RASAL2: variants seen among roughly 807,000 people sequenced by gnomAD.
RASAL2 encodes the protein RAS protein activator like 2.
Under a neutral mutation model 128.9 loss-of-function variants are expected in RASAL2, and 58 were observed. The observed-to-expected ratio is 0.45, with a 90% CI of 0.36 to 0.56. The LOEUF (loss-of-function observed/expected upper bound fraction) is 0.56, where lower values mean the gene tolerates loss of function less well. Among genes scored for constraint, RASAL2 ranks in the 20% least tolerant of loss-of-function variants. The pLI is 0.00. For synonymous variants in RASAL2, 561 were observed against 580.8 expected, an observed-to-expected ratio of 0.97 and a Z score of 0.49; for missense variants, 1,360 against 1,601.6, an observed-to-expected ratio of 0.85 and a Z score of 2.57.
intron 1 of RASAL2, among the ~76,000 whole-genome samples, chr1:178,115,018 T>TA (rs1659473983): frequency 1.3e-5 from 2 of 152,250 alleles, no homozygotes; most frequent in Non-Finnish European, 2.9e-5. Context: ...GTATACATTA[T>TA]AAATTTTTTT....
chr1:178,234,886 A>G (rs1235274104), intron 1 of RASAL2, among the ~76,000 whole-genome samples: 3 of 152,240 alleles, frequency 2.0e-5, no homozygotes, highest in Non-Finnish European at 2.9e-5. Context: ...AATGCTAATG[A>G]GATCATTTCA....
chr1:178,244,702 T>G (rs941787439), intron 1 of RASAL2, among the ~76,000 whole-genome samples: 1 of 152,132 alleles, frequency 6.6e-6, no homozygotes, highest in African/African-American at 2.4e-5. Context: ...CGTTAGATAT[T>G]TGTCCTAATG....
At chr1:178,218,059 C>G (rs955407583) in intron 1 of RASAL2, among the ~76,000 whole-genome samples, 2 of 151,980 alleles carry the variant, frequency 1.3e-5, no homozygotes, top group Non-Finnish European at 2.9e-5. Flanking sequence ...AACTCCTCAC[C>G]CATTCAAGTT....
At chr1:178,244,273 C>T (rs191007490) in intron 1 of RASAL2, among the ~76,000 whole-genome samples, 14 of 152,050 alleles carry the variant, frequency 9.2e-5, no homozygotes, top group South Asian at 4.2e-4. Context: ...GAAGGAGTCT[C>T]GCTCTGTCAC....
chr1:178,434,435 CTCATTTT>C (rs1363443585), intron 5 of RASAL2, among the ~76,000 whole-genome samples: 3 of 152,110 alleles, frequency 2.0e-5, no homozygotes, highest in Non-Finnish European at 4.4e-5. Context: ...CCATGAGTTT[CTCATTTT>C]GAGTGACAAC....
chr1:178,424,473 A>G (rs1486984290), intron 5 of RASAL2, among the ~76,000 whole-genome samples: 1 of 147,644 alleles, frequency 6.8e-6, no homozygotes, highest in African/African-American at 2.5e-5. Flanking sequence ...TTTTATTTTT[A>G]TTTTTTGAGA....
chr1:178,335,667 G>T (rs1282658126), intron 3 of RASAL2, among the ~76,000 whole-genome samples: 1 of 152,118 alleles, frequency 6.6e-6, no homozygotes, highest in Non-Finnish European at 1.5e-5. Context: ...TTCAAGTCAG[G>T]AGCTGCCTCT....
chr1:178,318,932 C>T (rs368778177), intron 3 of RASAL2, among the ~76,000 whole-genome samples: 11 of 151,982 alleles, frequency 7.2e-5, no homozygotes, highest in South Asian at 2.1e-4. Flanking sequence ...CGGCTGGTAC[C>T]GGTTGTTCCT....
At chr1:178,184,433 T>A (rs1438258546) in intron 1 of RASAL2, among the ~76,000 whole-genome samples, 4 of 152,072 alleles carry the variant, frequency 2.6e-5, no homozygotes, top group Admixed American at 1.3e-4. Flanking sequence ...CATTTTACAT[T>A]TAGATCTATG....
chr1:178,214,837 C>T (rs1558119422), intron 1 of RASAL2, among the ~76,000 whole-genome samples: 1 of 152,118 alleles, frequency 6.6e-6, no homozygotes, highest in Non-Finnish European at 1.5e-5. Context: ...GGATTACAGG[C>T]ATGAGCCACC....
chr1:178,423,827 A>G (rs193057002), intron 5 of RASAL2, among the ~76,000 whole-genome samples: 60 of 151,938 alleles, frequency 3.9e-4, no homozygotes, highest in African/African-American at 1.3e-3. Flanking sequence ...CCATTTTTCT[A>G]TTGAGTTGTT....
In RASAL2 at chr1:178,454,768, G is replaced by T. The variant is rs549418552; in HGVS notation, c.2211+120G>T. 4.2e-5 allele frequency: 33 copies of T among 776,980 alleles called. No individual in the cohort carries two copies. In the East Asian group the frequency reaches 8.7e-4, roughly 21 times the overall value. 48.1% of individuals were successfully genotyped at this position (776,980 alleles called of 1,614,324 possible). A position where few individuals can be genotyped will look rare whatever the true frequency, so the allele number is the denominator to read the frequency against. On this transcript the variant is annotated intron_variant, in intron 12 of 17. Transcript: ENST00000367649. ...AAGCAACTGTTTACCCTAGAAATCT[G>T]AGAGTAAATGGTCATCATTTCTGAG...
intron 2 of RASAL2, among the ~76,000 whole-genome samples, chr1:178,284,784 G>A (rs1370344691): frequency 6.6e-6 from 1 of 152,086 alleles, no homozygotes; most frequent in Non-Finnish European, 1.5e-5. Context: ...AATAATGAAA[G>A]GGAAGGAGAA....
intron 5 of RASAL2, among the ~76,000 whole-genome samples, chr1:178,436,007 G>A (rs552930966): frequency 6.6e-6 from 1 of 152,178 alleles, no homozygotes; most frequent in South Asian, 2.1e-4. Flanking sequence ...GCCAAACAGG[G>A]CTACTAAAAC....
intron 9 of RASAL2, among the ~76,000 whole-genome samples, chr1:178,446,166 G>T (rs2102861829): frequency 6.6e-6 from 1 of 152,248 alleles, no homozygotes; most frequent in South Asian, 2.1e-4. Context: ...TGCTGACTAG[G>T]CTACGCACTT....
At position 178,478,620 on chromosome 1, in the gene RASAL2, C is replaced by T. The variant is rs1417514593; in HGVS notation, c.*5381C>T. The T allele has an allele frequency of 6.6e-6, 1 of 152,064 alleles. No individual in the cohort carries two copies. Among genetic ancestry groups the T allele is most frequent in the African/African-American group, 2.4e-5 (1 of 41,410 alleles). The allele number at this position is 152,064 out of a possible 1,614,324, so 9.4% of individuals were successfully genotyped here. ...AGAAATACACCTTAGAAAAACAAAA[C>T]CCAAGATTTTATTTTATTTTTAAAG... On this transcript the variant is annotated 3_prime_UTR_variant, in exon 18 of 18. Transcript: ENST00000367649.
rs186324625 is a variant in RASAL2 at position 178,386,483 on chromosome 1, A to G, written c.458-3617A>G. 1.7e-3 allele frequency among the ~76,000 whole-genome samples: 264 copies of G among 152,296 alleles called. 3 individuals carry two copies. Among genetic ancestry groups the G allele is most frequent in the Admixed American group, 0.015 (237 of 15,298 alleles). On this transcript the variant is annotated intron_variant, in intron 3 of 17. Transcript: ENST00000367649. ...TTCTCTTTGTTCAATACATCATTCT[A>G]TATGGAGCTGTATTGGAGGTTATCT...
chr1:178,358,259 A>AAG (rs1670918858), intron 3 of RASAL2, among the ~76,000 whole-genome samples: 1 of 148,256 alleles, frequency 6.7e-6, no homozygotes, highest in African/African-American at 2.6e-5. Context: ...AAAAAAAAAA[A>AAG]AAAAAAAGGA....
chr1:178,461,879 C>T (rs995764351), intron 14 of RASAL2, among the ~76,000 whole-genome samples: 3 of 152,174 alleles, frequency 2.0e-5, no homozygotes, highest in Admixed American at 6.5e-5. Flanking sequence ...TAGCAAGGAA[C>T]GAGGAACTGG....
Sources: allele counts gnomAD v4.1 joint callset (sites outside exome capture counted in the v4.1 genomes callset), GRCh38; gene constraint gnomAD v4.1.1; transcripts MANE v1.5; gene names NCBI Gene and HGNC (gene_info 2026-07-23, HGNC 2026-07-21).